Variants in NTNG1 observed in about 807,000 individuals in gnomAD.
The protein encoded by NTNG1 is netrin G1, also known as netrin-G1.
NTNG1 carries 16 observed loss-of-function variants against 54.0 expected under a neutral mutation model. The observed-to-expected ratio is 0.30, with a 90% CI of 0.20 to 0.45. The LOEUF (loss-of-function observed/expected upper bound fraction) is 0.45. NTNG1 is among the 20% of genes least tolerant of loss of function. NTNG1 has a pLI of 1.00. For synonymous variants in NTNG1, 255 were observed against 263.1 expected (o/e 0.97, Z 0.30); for missense variants, 530 against 678.7 (o/e 0.78, Z 2.43).
intron 2 of NTNG1, among the ~76,000 whole-genome samples, chr1:107,268,939 TCCCATGTGGA>T (rs1216444635): frequency 2.6e-5 from 4 of 152,158 alleles, no homozygotes; most frequent in Non-Finnish European, 2.9e-5. Flanking sequence ...CATTGTCATC[TCCCATGTGGA>T]TAACTGACGT....
At chr1:107,210,850 C>A (rs557777757) in intron 2 of NTNG1, among the ~76,000 whole-genome samples, 1 of 152,244 alleles carries the variant, frequency 6.6e-6, no homozygotes, top group East Asian at 1.9e-4. Flanking sequence ...CTAGACAGAG[C>A]AGTTCCTTCC....
chr1:107,275,035 G>A (rs896106450), intron 2 of NTNG1, among the ~76,000 whole-genome samples: 1 of 152,048 alleles, frequency 6.6e-6, no homozygotes, highest in Non-Finnish European at 1.5e-5. Flanking sequence ...CTTCTCCAGG[G>A]AAACAGAACT....
At chr1:107,148,880 G>C (rs1654342201) in intron 2 of NTNG1, 41 bp downstream of exon 2, 1 of 1,589,396 alleles carries the variant, frequency 6.3e-7, no homozygotes, top group African/African-American at 1.3e-5. Flanking sequence ...ATATAAATAG[G>C]GTCTAATCGC....
chr1:107,412,306 A>G (rs559636031), intron 5 of NTNG1, among the ~76,000 whole-genome samples: 6 of 152,182 alleles, frequency 3.9e-5, no homozygotes, highest in East Asian at 1.9e-4. Context: ...TGGACTATCA[A>G]TGGAGAGCTG....
At chr1:107,262,622 C>G (rs1663430108) in intron 2 of NTNG1, among the ~76,000 whole-genome samples, 1 of 152,120 alleles carries the variant, frequency 6.6e-6, no homozygotes. Flanking sequence ...TGTAATGACT[C>G]AAAGCAGTAG....
At position 107,141,061 on chromosome 1, in the gene NTNG1, C is replaced by A. The variant is rs904456432; in HGVS notation, c.-605C>A. On this transcript the variant is annotated 5_prime_UTR_variant, in exon 1 of 8. Coordinates refer to ENST00000370068, the MANE Select transcript of NTNG1 (RefSeq NM_001113226.3). Reference sequence around the variant, plus strand: ...TTTGCATTTCGGAAGAGGACGTCAACGGGAAGGAATTCCCCCTCTGGGTGC... The same window carrying A: ...TTTGCATTTCGGAAGAGGACGTCAAAGGGAAGGAATTCCCCCTCTGGGTGC... 9 of 152,548 alleles carry A rather than the reference C, an allele frequency of 5.9e-5. No homozygotes were observed. The highest frequency in any genetic ancestry group is 3.2e-3 in the Middle Eastern group (1 of 316). 9.4% of individuals were successfully genotyped at this position (152,548 alleles called of 1,614,324 possible). A position where few individuals can be genotyped will look rare whatever the true frequency, so the allele number is the denominator to read the frequency against.
intron 6 of NTNG1, among the ~76,000 whole-genome samples, chr1:107,434,784 A>G (rs1047418562): frequency 3.9e-5 from 6 of 152,146 alleles, no homozygotes; most frequent in African/African-American, 1.4e-4. Flanking sequence ...TCCTAATTTC[A>G]TGGAATAAAA....
At chr1:107,157,312 C>T (rs1038651928) in intron 2 of NTNG1, among the ~76,000 whole-genome samples, 1 of 152,112 alleles carries the variant, frequency 6.6e-6, no homozygotes, top group Non-Finnish European at 1.5e-5. Flanking sequence ...TCTCTTCAGC[C>T]AGCCTTCTAT....
At chr1:107,473,747 T>G (rs1030006835) in intron 7 of NTNG1, among the ~76,000 whole-genome samples, 3 of 152,228 alleles carry the variant, frequency 2.0e-5, no homozygotes, top group Non-Finnish European at 4.4e-5. Context: ...TCATGGCAAT[T>G]GTGAGAGCTT....
chr1:107,179,190 T>A (rs1656882184), intron 2 of NTNG1, among the ~76,000 whole-genome samples: 1 of 152,202 alleles, frequency 6.6e-6, no homozygotes, highest in African/African-American at 2.4e-5. Flanking sequence ...GACTTTCTTT[T>A]TATCCTGAAA....
At chr1:107,181,555 A>ACATTTTCCAGAATCCTTTCAAAAT (rs1657071535) in intron 2 of NTNG1, among the ~76,000 whole-genome samples, 1 of 10,824 alleles carries the variant, frequency 9.2e-5, no homozygotes, top group Non-Finnish European at 4.2e-4. Flanking sequence ...GTGAGGAAAA[A>ACATTTTCCAGAATCCTTTCAAAAT]ACTGTGGCTG....
intron 4 of NTNG1, among the ~76,000 whole-genome samples, chr1:107,396,354 G>A (rs745882009): frequency 2.0e-5 from 3 of 152,070 alleles, no homozygotes; most frequent in Non-Finnish European, 4.4e-5. Flanking sequence ...AAACGTAAGA[G>A]TAATGGACCA....
chr1:107,441,350 T>C (rs908422468), intron 7 of NTNG1, among the ~76,000 whole-genome samples: 3 of 152,202 alleles, frequency 2.0e-5, no homozygotes, highest in African/African-American at 7.2e-5. Flanking sequence ...CTGCAGGGTT[T>C]ATTAAATCCA....
chr1:107,256,963 T>A (rs554880078), intron 2 of NTNG1, among the ~76,000 whole-genome samples: 2 of 152,338 alleles, frequency 1.3e-5, no homozygotes, highest in African/African-American at 4.8e-5. Context: ...CTGACAGATT[T>A]GACTTTGAAA....
chr1:107,478,878 A>G (rs1678509501), intron 7 of NTNG1, among the ~76,000 whole-genome samples: 1 of 152,272 alleles, frequency 6.6e-6, no homozygotes, highest in African/African-American at 2.4e-5. Context: ...CCATGAGGCT[A>G]ACCACCCTAC....
intron 2 of NTNG1, among the ~76,000 whole-genome samples, chr1:107,198,181 T>A (rs1658478979): frequency 6.6e-6 from 1 of 152,014 alleles, no homozygotes; most frequent in Admixed American, 6.6e-5. Context: ...AAAAGAATGA[T>A]GTTTCATTCT....
chr1:107,245,898 A>C (rs1662165039), intron 2 of NTNG1, among the ~76,000 whole-genome samples: 1 of 152,246 alleles, frequency 6.6e-6, no homozygotes, highest in Non-Finnish European at 1.5e-5. Context: ...TTAAAGCCAG[A>C]AACATACTAG....
In NTNG1 at chr1:107,436,672, T is replaced by C. The variant is rs1053966370; in HGVS notation, c.1263T>C (p.Tyr421=). Residue 421 remains tyrosine, a synonymous_variant, in exon 7 of 8, where the codon TAT becomes TAC. Transcript: ENST00000370068. ...GTTGTCTTGTTTCTACAGAGTGTTA[T>C]TGTAACCCTTTGGGCTCAATCCATG... is the stretch of plus-strand genomic sequence containing the variant. ...LDDENVCIEC[Y]CNPLGSIHDR... is the part of the protein sequence containing the mutation. 6.2e-6 allele frequency: 10 copies of C among 1,613,354 alleles called. No individual in the cohort carries two copies. The African/African-American group carries it at 6.7e-5, about 11-fold the overall frequency.
intron 2 of NTNG1, among the ~76,000 whole-genome samples, chr1:107,297,803 T>A (rs548930496): frequency 6.6e-6 from 1 of 152,120 alleles, no homozygotes; most frequent in East Asian, 1.9e-4. Flanking sequence ...GGGACATAAA[T>A]CTGATCTATT....
Sources: gnomAD v4.1 joint callset for allele counts (sites outside exome capture counted in the v4.1 genomes callset) on GRCh38, gnomAD v4.1.1 for gene constraint, MANE v1.5 for transcripts, NCBI Gene and HGNC (gene_info 2026-07-23, HGNC 2026-07-21) for gene names.